FHIT: variants seen among roughly 807,000 people sequenced by gnomAD.
The protein encoded by FHIT is fragile histidine triad diadenosine triphosphatase.
FHIT carries 19 observed loss-of-function variants against 17.9 expected under a neutral mutation model. The ratio of observed to expected loss-of-function variants is 1.06; its 90% CI spans 0.74 to 1.56. The LOEUF is 1.56. FHIT is among the 40% of genes most tolerant of loss of function. FHIT has a pLI of 0.00. For synonymous variants in FHIT, 81 were observed against 69.7 expected (o/e 1.16, Z -0.81); for missense variants, 248 against 189.2 (o/e 1.31, Z -1.82).
At chr3:60,721,525 T>C (rs373146719) in intron 4 of FHIT, among the ~76,000 whole-genome samples, 1 of 152,070 alleles carries the variant, frequency 6.6e-6, no homozygotes, top group Non-Finnish European at 1.5e-5. Context: ...CACAAAGGCC[T>C]CAGAATTGTT....
intron 5 of FHIT, among the ~76,000 whole-genome samples, chr3:60,123,457 T>A (rs1467508395): frequency 6.6e-6 from 1 of 152,080 alleles, no homozygotes; most frequent in Admixed American, 6.5e-5. Flanking sequence ...CTGAGTAACC[T>A]CAATAAATAC....
intron 5 of FHIT, among the ~76,000 whole-genome samples, chr3:60,116,978 T>G (rs1196983661): frequency 6.6e-6 from 1 of 152,176 alleles, no homozygotes; most frequent in Non-Finnish European, 1.5e-5. Flanking sequence ...AAAAATGATT[T>G]AAATACAGGA....
At chr3:60,273,746 C>T (rs182839837) in intron 5 of FHIT, among the ~76,000 whole-genome samples, 13 of 152,294 alleles carry the variant, frequency 8.5e-5, no homozygotes, top group Non-Finnish European at 7.3e-5. Flanking sequence ...TACCTCCTAA[C>T]TTCTAAGCTT....
At chr3:59,929,848 A>T (rs1705877244) in intron 7 of FHIT, among the ~76,000 whole-genome samples, 1 of 147,446 alleles carries the variant, frequency 6.8e-6, no homozygotes, top group South Asian at 2.2e-4. Flanking sequence ...AGTGATACAA[A>T]TATGATACAC....
intron 8 of FHIT, among the ~76,000 whole-genome samples, chr3:59,786,997 C>T (rs188537242): frequency 2.0e-5 from 3 of 152,168 alleles, no homozygotes; most frequent in Non-Finnish European, 4.4e-5. Context: ...ACCCCTACCC[C>T]CTTCTCAGTG....
chr3:60,061,941 G>A (rs939996296), intron 5 of FHIT, among the ~76,000 whole-genome samples: 1 of 152,212 alleles, frequency 6.6e-6, no homozygotes, highest in East Asian at 1.9e-4. Flanking sequence ...ACATGGAAAA[G>A]AGCAAGAAAT....
intron 2 of FHIT, among the ~76,000 whole-genome samples, chr3:61,140,642 C>T (rs1428167474): frequency 1.3e-5 from 2 of 152,024 alleles, no homozygotes; most frequent in African/African-American, 2.4e-5. Context: ...AATCAAAGCC[C>T]GAAGCTCTTG....
intron 2 of FHIT, among the ~76,000 whole-genome samples, chr3:61,090,606 G>C (rs891262358): frequency 6.6e-6 from 1 of 152,132 alleles, no homozygotes; most frequent in Admixed American, 6.5e-5. Flanking sequence ...TTTACTGGGC[G>C]GCTGTGTTTG....
chr3:60,303,955 A>C (rs2106722194), intron 5 of FHIT, among the ~76,000 whole-genome samples: 1 of 152,234 alleles, frequency 6.6e-6, no homozygotes, highest in South Asian at 2.1e-4. Flanking sequence ...CCACAACATC[A>C]TGATGCATTT....
At chr3:60,240,075 G>A (rs1705049391) in intron 5 of FHIT, among the ~76,000 whole-genome samples, 1 of 152,076 alleles carries the variant, frequency 6.6e-6, no homozygotes, top group African/African-American at 2.4e-5. Flanking sequence ...ATGTAAACAA[G>A]CAAATGGCAT....
At chr3:60,300,505 A>G (rs1708413456) in intron 5 of FHIT, among the ~76,000 whole-genome samples, 1 of 151,944 alleles carries the variant, frequency 6.6e-6, no homozygotes, top group South Asian at 2.1e-4. Context: ...GCAGCCCCAT[A>G]TTTTGTTTTG....
chr3:59,894,976 C>T (rs1322212473), intron 8 of FHIT, among the ~76,000 whole-genome samples: 6 of 152,214 alleles, frequency 3.9e-5, no homozygotes, highest in Non-Finnish European at 8.8e-5. Context: ...ACACTGTCAT[C>T]AGACATCAGG....
At chr3:59,984,762 C>A (rs944155126) in intron 7 of FHIT, among the ~76,000 whole-genome samples, 23 of 152,170 alleles carry the variant, frequency 1.5e-4, no homozygotes, top group African/African-American at 5.5e-4. Flanking sequence ...AGATGATGGG[C>A]ATACACTGAG....
chr3:59,780,453 A>T, intron 8 of FHIT, among the ~76,000 whole-genome samples: 1 of 152,310 alleles, frequency 6.6e-6, no homozygotes, highest in African/African-American at 2.4e-5. Context: ...GAATCAGGAG[A>T]GCACACTGGC....
At chr3:59,919,100 A>C (rs55718637) in intron 8 of FHIT, among the ~76,000 whole-genome samples, 7,872 of 151,752 alleles carry the variant, frequency 0.052, 221 homozygotes, top group East Asian at 0.084. Flanking sequence ...AAAACCCCCC[A>C]CTATTTGTTA....
intron 8 of FHIT, among the ~76,000 whole-genome samples, chr3:59,770,256 T>C (rs1427714093): frequency 6.6e-6 from 1 of 152,224 alleles, no homozygotes; most frequent in Admixed American, 6.5e-5. Context: ...GTTATTACTA[T>C]AGGTTGAATT....
At chr3:61,074,152 A>T (rs1245207199) in intron 2 of FHIT, among the ~76,000 whole-genome samples, 1 of 152,166 alleles carries the variant, frequency 6.6e-6, no homozygotes, top group African/African-American at 2.4e-5. Context: ...AGAACACAAA[A>T]AACCCCTTAA....
intron 5 of FHIT, among the ~76,000 whole-genome samples, chr3:60,309,507 T>C (rs184156537): frequency 3.9e-5 from 6 of 152,174 alleles, no homozygotes; most frequent in Non-Finnish European, 8.8e-5. Context: ...GCCAAAAGCA[T>C]AGCAAGGAAA....
At chr3:59,944,664 C>T (rs542722615) in intron 7 of FHIT, among the ~76,000 whole-genome samples, 15 of 151,932 alleles carry the variant, frequency 9.9e-5, no homozygotes, top group African/African-American at 2.2e-4. Context: ...TTCTTTGATC[C>T]GCTCCCTTCA....
Sources: gnomAD v4.1 joint callset for allele counts (sites outside exome capture counted in the v4.1 genomes callset) on GRCh38, gnomAD v4.1.1 for gene constraint, MANE v1.5 for transcripts, NCBI Gene and HGNC (gene_info 2026-07-23, HGNC 2026-07-21) for gene names.